The following TFDP2 variants were observed in gnomAD, a reference collection of about 807,000 sequenced individuals.
TFDP2 encodes transcription factor Dp-2 (E2F dimerization partner 2).
TFDP2 carries 17 observed loss-of-function variants against 59.3 expected under a neutral mutation model. That is an observed-to-expected ratio of 0.29 (90% CI 0.20 to 0.43). The LOEUF is 0.43. Among genes scored for constraint, TFDP2 ranks in the 20% least tolerant of loss-of-function variants. The probability of loss-of-function intolerance (pLI) is 1.00; values close to 1 mark genes in which losing one functional copy is unlikely to be tolerated. For missense variants in TFDP2, 391 were observed against 528.8 expected (o/e 0.74, Z 2.56); for synonymous variants, 180 against 194.7 (o/e 0.92, Z 0.63).
rs190366725 is a variant in TFDP2 at position 142,125,923 on chromosome 3, C to A, written c.-93+23260G>T. ...TTTTTAAATTGTATATTTTCCTTCA[C>A]ATAGAAACAATATTTGTTTTCTTAA... On this transcript the variant is annotated intron_variant, in intron 1 of 12. Transcript: ENST00000489671. Among the ~76,000 whole-genome samples the A allele has an allele frequency of 4.5e-4, 68 of 152,192 alleles. No homozygotes were observed. The South Asian group carries it at 4.6e-3, about 10-fold the overall frequency.
At chr3:141,998,230 A>G (rs1189128034) in intron 4 of TFDP2, among the ~76,000 whole-genome samples, 1 of 152,240 alleles carries the variant, frequency 6.6e-6, no homozygotes, top group African/African-American at 2.4e-5. Flanking sequence ...GAAAGTCGGT[A>G]AGACTTGAAC....
chr3:141,959,114 G>A (rs1429387977), intron 11 of TFDP2, among the ~76,000 whole-genome samples: 3 of 151,860 alleles, frequency 2.0e-5, no homozygotes, highest in South Asian at 2.1e-4. Context: ...CATCACGCCC[G>A]GCTAATTTTT....
At chr3:142,102,465 C>T (rs914661231) in intron 1 of TFDP2, among the ~76,000 whole-genome samples, 1 of 152,106 alleles carries the variant, frequency 6.6e-6, no homozygotes, top group African/African-American at 2.4e-5. Context: ...AAATTCTTTG[C>T]AGTAGAACGC....
chr3:142,089,953 T>C (rs1483828181), intron 3 of TFDP2, among the ~76,000 whole-genome samples: 1 of 152,186 alleles, frequency 6.6e-6, no homozygotes, highest in African/African-American at 2.4e-5. Context: ...AAAGTTTCTA[T>C]AATATCATTG....
chr3:141,965,174 G>A (rs1383018462), intron 9 of TFDP2, among the ~76,000 whole-genome samples: 1 of 149,956 alleles, frequency 6.7e-6, no homozygotes, highest in Non-Finnish European at 1.5e-5. Flanking sequence ...TCAAGAAACA[G>A]ATAACGTTTT....
chr3:141,955,780 A>G (rs992885392), intron 11 of TFDP2, among the ~76,000 whole-genome samples: 4 of 152,232 alleles, frequency 2.6e-5, no homozygotes, highest in Non-Finnish European at 5.9e-5. Context: ...TAAACAAAAG[A>G]AAGCAAAGGC....
chr3:142,136,583 GAATT>G (rs779325723), intron 1 of TFDP2, among the ~76,000 whole-genome samples: 85 of 152,056 alleles, frequency 5.6e-4, no homozygotes, highest in Non-Finnish European at 9.6e-4. Context: ...AATCCATCTT[GAATT>G]AATTTTTATA....
rs1282304549 is a variant in TFDP2, at chr3:142,005,532, A to G, written c.95T>C (p.Phe32Ser). The G allele has an allele frequency of 8.8e-6, 14 of 1,594,750 alleles. No individual in the cohort carries two copies. Among genetic ancestry groups the G allele is most frequent in the Admixed American group, 3.5e-5 (2 of 57,630 alleles). The change falls in exon 4 of 13, where the codon TTT becomes TCT. Residue 32 changes from phenylalanine to serine, a missense_variant. Physicochemically the swap from Phe to Ser is radical, Grantham distance 155. This residue lies in a region of TFDP2 where 162 missense variants were observed against 206.8 expected (regional missense o/e 0.78). Coordinates refer to ENST00000489671, the MANE Select transcript of TFDP2 (RefSeq NM_001178139.2). ...GGTATTGGAAACTGGAAATGCAACA[A>G]ATGAAATGTTGCCTGAAATGATATC... ...NLSPTKGNIS[F>S]VAFPVSNTNS...
At chr3:142,126,422 C>G (rs987564692) in intron 1 of TFDP2, 1 of 151,984 alleles carries the variant, frequency 6.6e-6, no homozygotes, top group Non-Finnish European at 1.5e-5. Flanking sequence ...TCTGAGCCTC[C>G]TATTCTTTGT....
At chr3:142,071,161 GTTTT>G (rs112791197) in intron 3 of TFDP2, among the ~76,000 whole-genome samples, 1 of 145,184 alleles carries the variant, frequency 6.9e-6, no homozygotes, top group Non-Finnish European at 1.5e-5. Flanking sequence ...TCTTAAAGGA[GTTTT>G]TTTTTTTTTG....
intron 3 of TFDP2, among the ~76,000 whole-genome samples, chr3:142,025,416 G>A (rs1486031879): frequency 6.6e-6 from 1 of 152,204 alleles, no homozygotes; most frequent in Admixed American, 6.5e-5. Flanking sequence ...TGAAGGGCTA[G>A]GAGTCCAAAC....
At chr3:142,022,132 C>T (rs1945665651) in intron 3 of TFDP2, among the ~76,000 whole-genome samples, 1 of 152,104 alleles carries the variant, frequency 6.6e-6, no homozygotes, top group African/African-American at 2.4e-5. Context: ...CTTGATCCTC[C>T]CAATCCTTCC....
Position 141,945,792 on chromosome 3 carries a change from G to C in TFDP2, c.*6721C>G, listed in dbSNP as rs796654630. The C allele has an allele frequency of 6.6e-6, 1 of 152,268 alleles. No individual in the cohort carries two copies. Among genetic ancestry groups the C allele is most frequent in the Non-Finnish European group, 1.5e-5 (1 of 68,066 alleles). 9.4% of individuals were successfully genotyped at this position (152,268 alleles called of 1,614,324 possible). A position where few individuals can be genotyped will look rare whatever the true frequency, so the allele number is the denominator to read the frequency against. Reference sequence around the variant, plus strand: ...AATGGCATGCATTGAAGCACGACAAGGGATGAGTTTTTAAATCCAAACGTG... The same window carrying C: ...AATGGCATGCATTGAAGCACGACAACGGATGAGTTTTTAAATCCAAACGTG... On this transcript the variant is annotated 3_prime_UTR_variant, in exon 13 of 13. Coordinates refer to ENST00000489671, the MANE Select transcript of TFDP2 (RefSeq NM_001178139.2).
rs559461998 is a variant in TFDP2 at position 142,040,494 on chromosome 3, C to A, written c.83-34950G>T. 5.3e-5 allele frequency among the ~76,000 whole-genome samples: 8 copies of A among 151,942 alleles called. No individual in the cohort carries two copies. The South Asian group carries it at 1.0e-3, about 20-fold the overall frequency. ...CCAGGCTGGAGTGCAATAGCACAAT[C>A]TCAGCTCACCGCAACCTCTGCCTCC... On this transcript the variant is annotated intron_variant, in intron 3 of 12. Transcript: ENST00000489671.
At position 142,149,529 on chromosome 3, in the gene TFDP2, G is replaced by A. The variant is rs1253795424; in HGVS notation, c.-439C>T. On this transcript the variant is annotated 5_prime_UTR_variant, in exon 1 of 13. Coordinates refer to ENST00000489671, the MANE Select transcript of TFDP2 (RefSeq NM_001178139.2). The stretch of plus-strand genomic sequence containing the variant: ...TTCCCCCGCGCGAGCTTTGGCGGCG[G>A]AGCAGCACAGTGCGCGCCGATTGGC... 2.2e-5 allele frequency: 7 copies of A among 314,782 alleles called. No homozygotes were observed. The highest frequency in any genetic ancestry group is 4.0e-5 in the Non-Finnish European group (7 of 173,626). 19.5% of individuals were successfully genotyped at this position (314,782 alleles called of 1,614,324 possible). A position where few individuals can be genotyped will look rare whatever the true frequency, so the allele number is the denominator to read the frequency against.
In TFDP2 at chr3:142,080,532, C is replaced by G. The variant is rs992261237; in HGVS notation, c.82+12529G>C. Among the ~76,000 whole-genome samples, 4 of 152,270 alleles carry G rather than the reference C, an allele frequency of 2.6e-5. No individual in the cohort carries two copies. In the South Asian group the frequency reaches 8.3e-4, roughly 32 times the overall value. On this transcript the variant is annotated intron_variant, in intron 3 of 12. Transcript: ENST00000489671. Reference sequence around the variant, plus strand: ...ACATCGAATGAAAACGGACTCAACTCTCCAATCAAAAGACATAGAGTGGCT... The same window carrying G: ...ACATCGAATGAAAACGGACTCAACTGTCCAATCAAAAGACATAGAGTGGCT...
intron 2 of TFDP2, among the ~76,000 whole-genome samples, chr3:142,098,844 C>T (rs971735762): frequency 6.6e-5 from 10 of 152,198 alleles, no homozygotes; most frequent in African/African-American, 2.4e-4. Flanking sequence ...AGAAGACAGA[C>T]CCCTGACATC....
At chr3:141,956,425 G>A (rs112474936) in intron 11 of TFDP2, among the ~76,000 whole-genome samples, 2 of 152,086 alleles carry the variant, frequency 1.3e-5, no homozygotes, top group African/African-American at 2.4e-5. Flanking sequence ...GGTGGTGGGC[G>A]CCTGTAATTC....
rs1180448730 is a variant in TFDP2, at chr3:141,951,486, G to A, written c.*1027C>T. The A allele has an allele frequency of 6.6e-6, 1 of 152,608 alleles. No individual in the cohort carries two copies. Among genetic ancestry groups the A allele is most frequent in the Non-Finnish European group, 1.5e-5 (1 of 68,032 alleles). 9.5% of individuals were successfully genotyped at this position (152,608 alleles called of 1,614,324 possible). ...GATTAATGAAAATGTGAAAAAAGGT[G>A]ACATGTACAAGGAAACACTGCTGTT... On this transcript the variant is annotated 3_prime_UTR_variant, in exon 13 of 13. Transcript: ENST00000489671.
Sources: gnomAD v4.1 joint callset for allele counts (sites outside exome capture counted in the v4.1 genomes callset) on GRCh38, gnomAD v4.1.1 for gene constraint, gnomAD v4.1.1 regional missense constraint, MANE v1.5 for transcripts, NCBI Gene and HGNC (gene_info 2026-07-23, HGNC 2026-07-21) for gene names.